The following CHRND variants were observed in gnomAD, a reference collection of about 807,000 sequenced individuals.
CHRND encodes the protein cholinergic receptor nicotinic delta subunit, also known as acetylcholine receptor subunit delta.
Under a neutral mutation model 57.8 loss-of-function variants are expected in CHRND, and 40 were observed. The ratio of observed to expected loss-of-function variants is 0.69; its 90% CI spans 0.54 to 0.90. CHRND has a LOEUF of 0.90. Ranked by LOEUF, CHRND falls within the 40% of genes least tolerant of loss-of-function variation. The probability of loss-of-function intolerance (pLI) is 0.00; values close to 1 mark genes in which losing one functional copy is unlikely to be tolerated. For missense variants in CHRND, 634 were observed against 673.9 expected (o/e 0.94, Z 0.66); for synonymous variants, 237 against 270.6 (o/e 0.88, Z 1.22).
At chr2:232,531,772 C>T (rs1691707748) in intron 9 of CHRND, 116 bp downstream of exon 9, 1 of 811,634 alleles carries the variant, frequency 1.2e-6, no homozygotes, top group Middle Eastern at 3.1e-4. Flanking sequence ...AACATAGAGA[C>T]ACCCCTGTCT....
rs1173088376 is a variant in CHRND at position 232,536,289 on chromosome 2, T to C, written c.*977T>C. ...TACCAGGGTGGGTCTGGGTAACCAATAGAATGAGGCAGAAGTGATGGTACC... is the reference window on the plus strand; with the variant it reads ...TACCAGGGTGGGTCTGGGTAACCAACAGAATGAGGCAGAAGTGATGGTACC... On this transcript the variant is annotated 3_prime_UTR_variant, in exon 12 of 12. Coordinates refer to ENST00000258385, the MANE Select transcript of CHRND (RefSeq NM_000751.3). 4 of 454,000 alleles carry C rather than the reference T, an allele frequency of 8.8e-6. No homozygotes were observed. Among genetic ancestry groups the C allele is most frequent in the Admixed American group, 2.3e-5 (1 of 42,558 alleles). The allele number at this position is 454,000 out of a possible 1,614,324, so 28.1% of individuals were successfully genotyped here. A position where few individuals can be genotyped will look rare whatever the true frequency, so the allele number is the denominator to read the frequency against.
In CHRND at chr2:232,535,137, A is replaced by AC; in HGVS notation, c.1380dup (p.Ser461GlnfsTer112). The AC allele has an allele frequency of 2.5e-6, 4 of 1,614,108 alleles. No homozygotes were observed. The highest frequency in any genetic ancestry group is 3.4e-6 in the Non-Finnish European group (4 of 1,180,008). On this transcript the variant is annotated frameshift_variant, in exon 12 of 12. Coordinates refer to ENST00000258385, the MANE Select transcript of CHRND (RefSeq NM_000751.3). LOFTEE classifies it high-confidence loss of function. Reference sequence around the variant, plus strand: ...CTCTGCCCCTACCCACAGGAGAAAGACAGCTGGAACCGAGTGGCCCGCACA... The same window carrying AC: ...CTCTGCCCCTACCCACAGGAGAAAGACCAGCTGGAACCGAGTGGCCCGCACA...
At chr2:232,530,619 A>G (rs1205291332) in intron 7 of CHRND, among the ~76,000 whole-genome samples, 3 of 152,070 alleles carry the variant, frequency 2.0e-5, no homozygotes, top group African/African-American at 7.2e-5. Flanking sequence ...AGTGAGTCCC[A>G]GGGTCAAAGG....
chr2:232,529,814 C>A, intron 6 of CHRND, 125 bp from the exon 7 acceptor site: 1 of 949,066 alleles, frequency 1.1e-6, no homozygotes, highest in Non-Finnish European at 1.6e-6. Flanking sequence ...ACCAACGGGA[C>A]CCCGTAGACA....
intron 9 of CHRND, 129 bp from the exon 10 acceptor site, chr2:232,533,802 G>C (rs551089154): frequency 1.1e-6 from 1 of 929,260 alleles, no homozygotes; most frequent in African/African-American, 1.6e-5. Flanking sequence ...ACTTGAACCC[G>C]AGAGGTGGAG....
chr2:232,528,640 T>C lies in CHRND; in HGVS notation c.493T>C (p.Cys165Arg). 2 of 1,614,062 alleles carry C rather than the reference T, an allele frequency of 1.2e-6. No homozygotes were observed. The highest frequency in any genetic ancestry group is 1.7e-6 in the Non-Finnish European group (2 of 1,180,024). The change falls in exon 5 of 12, where the codon TGC (cysteine) becomes CGC (arginine). Residue 165 changes from cysteine to arginine, a missense_variant. By Grantham distance (180) the Cys-to-Arg change is radical (BLOSUM62 -3). Coordinates refer to ENST00000258385, the MANE Select transcript of CHRND (RefSeq NM_000751.3). ...VTYFPFDWQN[C>R]SLKFSSLKYT... ...CTATTTCCCCTTCGACTGGCAGAAC[T>C]GCTCCCTCAAGTTCAGGTGTGCCCT...
Position 232,530,157 on chromosome 2 carries a change from G to A in CHRND, c.820+18G>A, listed in dbSNP as rs1262868012. The A allele has an allele frequency of 3.1e-6, 5 of 1,612,262 alleles. No homozygotes were observed. The highest frequency in any genetic ancestry group is 1.7e-4 in the Middle Eastern group (1 of 6,058). ...GGCTGACAGTGAGCCTCCAGGCCCC[G>A]TCCCCTGCTCCCCCTCCCCAAGCCC... On this transcript the variant is annotated intron_variant, in intron 7 of 11. Coordinates refer to ENST00000258385, the MANE Select transcript of CHRND (RefSeq NM_000751.3).
chr2:232,534,225 CCGG>C lies in CHRND; in HGVS notation c.1256_1258del (p.Arg419del). 1 of 1,614,174 alleles carries C rather than the reference CCGG, an allele frequency of 6.2e-7. No homozygotes were observed. The highest frequency in any genetic ancestry group is 8.5e-7 in the Non-Finnish European group (1 of 1,180,020). On this transcript the variant is annotated inframe_deletion and splice_region_variant, in exon 11 of 12. Coordinates refer to ENST00000258385, the MANE Select transcript of CHRND (RefSeq NM_000751.3). ...CCCACTCTGGCCCCTCGTCTGTAGG[CCGG>C]CCCCCAGCAAGCTCTGAGCAGGCCC...
chr2:232,534,169 C>T, intron 10 of CHRND, 34 bp downstream of exon 10: 1 of 1,614,110 alleles, frequency 6.2e-7, no homozygotes, highest in Non-Finnish European at 8.5e-7. Context: ...TTCAGCCCAT[C>T]TGTGGGAGGT....
chr2:232,530,251 C>T, intron 7 of CHRND, 112 bp downstream of exon 7: 7 of 1,109,176 alleles, frequency 6.3e-6, no homozygotes, highest in Admixed American at 1.9e-5. Context: ...GTCTCCATTC[C>T]TGGAGCTCCC....
At position 232,533,816 on chromosome 2, in the gene CHRND, G is replaced by A. The variant is rs1299041776; in HGVS notation, c.1048-115G>A. ...CACTTGAACCCGAGAGGTGGAGGTTGCAGTGAGCCGAGATCGCGCCACTGC... is the reference window on the plus strand; with the variant it reads ...CACTTGAACCCGAGAGGTGGAGGTTACAGTGAGCCGAGATCGCGCCACTGC... On this transcript the variant is annotated intron_variant, in intron 9 of 11. Transcript: ENST00000258385. 5.4e-5 allele frequency: 56 copies of A among 1,032,466 alleles called. No individual in the cohort carries two copies. The East Asian group carries it at 1.1e-3, about 21-fold the overall frequency. The allele number at this position is 1,032,466 out of a possible 1,614,324, so 64.0% of individuals were successfully genotyped here.
rs56203086 is a variant in CHRND at position 232,528,877 on chromosome 2, G to A, written c.525G>A (p.Thr175=). ...CCCTCCCCAGTTCCCTCAAGTATAC[G>A]GCCAAAGAGATCACCCTGAGCCTGA... The part of the protein sequence containing the change: ...CSLKFSSLKY[T]AKEITLSLKQ... The change falls in exon 6 of 12, where the codon ACG becomes ACA. Residue 175 remains threonine (T), a synonymous_variant. Transcript: ENST00000258385. 2.0e-4 allele frequency: 325 copies of A among 1,613,852 alleles called. 5 individuals carry two copies. The East Asian group carries it at 4.5e-3, about 22-fold the overall frequency.
chr2:232,530,373 C>T (rs548299403), intron 7 of CHRND, among the ~76,000 whole-genome samples: 45 of 152,340 alleles, frequency 3.0e-4, no homozygotes, highest in Non-Finnish European at 3.1e-4. Context: ...CTACTTCCCA[C>T]GGACTCTCAG....
Position 232,528,237 on chromosome 2 carries a change from T to G in CHRND, c.244-25T>G. 4 of 1,610,072 alleles carry G rather than the reference T, an allele frequency of 2.5e-6. 1 individual carries two copies. The highest frequency in any genetic ancestry group is 2.2e-5 in the South Asian group (2 of 90,998). On this transcript the variant is annotated intron_variant, in intron 3 of 11. Transcript: ENST00000258385. ...GAGCCTGGATGGCTGCAGAGTGCACTGGTGACATGCCTTTGGGATTCCAGG... is the reference window on the plus strand; with the variant it reads ...GAGCCTGGATGGCTGCAGAGTGCACGGGTGACATGCCTTTGGGATTCCAGG...
chr2:232,526,469 C>T, intron 1 of CHRND, 60 bp from the exon 2 acceptor site: 2 of 1,609,968 alleles, frequency 1.2e-6, no homozygotes, highest in Non-Finnish European at 1.7e-6. Context: ...CTCAGGGCAG[C>T]TTCCTTCCTG....
At chr2:232,533,886 A>AAAG in intron 9 of CHRND, 45 bp from the exon 10 acceptor site, 1 of 1,594,446 alleles carries the variant, frequency 6.3e-7, no homozygotes, top group Non-Finnish European at 8.6e-7. Context: ...AAAAACAAAG[A>AAAG]ACAAAAAACA....
At position 232,536,089 on chromosome 2, in the gene CHRND, T is replaced by G. The variant is rs763459813; in HGVS notation, c.*777T>G. 1 of 454,170 alleles carries G rather than the reference T, an allele frequency of 2.2e-6. No homozygotes were observed. Among genetic ancestry groups the G allele is most frequent in the Non-Finnish European group, 4.4e-6 (1 of 226,806 alleles). The allele number at this position is 454,170 out of a possible 1,614,324, so 28.1% of individuals were successfully genotyped here. ...CTCTGAAATTTGTCCCCTATTTTTA[T>G]TTGCTAAATCTAGCAACCCTATCCC... On this transcript the variant is annotated 3_prime_UTR_variant, in exon 12 of 12. Transcript: ENST00000258385.
chr2:232,528,452 C>T, intron 4 of CHRND, 49 bp from the exon 5 acceptor site: 1 of 1,613,948 alleles, frequency 6.2e-7, no homozygotes, highest in Admixed American at 1.7e-5. Flanking sequence ...CCAACTCTGC[C>T]AGTCGTGAGT....
intron 3 of CHRND, among the ~76,000 whole-genome samples, chr2:232,527,858 T>C (rs768100983): frequency 6.6e-6 from 1 of 152,150 alleles, no homozygotes; most frequent in Non-Finnish European, 1.5e-5. Context: ...CCAGGAGGGG[T>C]TGGTGCCTCC....
Sources: allele counts gnomAD v4.1 joint callset (sites outside exome capture counted in the v4.1 genomes callset), GRCh38; gene constraint gnomAD v4.1.1; transcripts MANE v1.5; gene names NCBI Gene and HGNC (gene_info 2026-07-23, HGNC 2026-07-21).